ANO7: variants seen among roughly 807,000 people sequenced by gnomAD.
The protein encoded by ANO7 is anoctamin-7.
Under a neutral mutation model 115.8 loss-of-function variants are expected in ANO7, and 114 were observed. The ratio of observed to expected loss-of-function variants is 0.98; its 90% confidence interval spans 0.85 to 1.15. ANO7 has a LOEUF of 1.15. ANO7 is among the 50% of genes most tolerant of loss of function. The pLI is 0.00. For missense variants in ANO7, 1,302 were observed against 1,201.2 expected (o/e 1.08, Z -1.24); for synonymous variants, 550 against 498.2 (o/e 1.10, Z -1.38).
the ANO7 span, among the ~76,000 whole-genome samples, chr2:241,237,997 GCCGCCCAA>G: frequency 6.6e-6 from 1 of 152,238 alleles, no homozygotes. Flanking sequence ...AGGGCCACCT[GCCGCCCAA>G]ACAGCTCAAC....
chr2:241,189,464 G>A (rs2068136601), intron 1 of ANO7, among the ~76,000 whole-genome samples: 1 of 152,170 alleles, frequency 6.6e-6, no homozygotes. Context: ...CCAAGACTAG[G>A]AGCCACGGCA....
At chr2:241,222,613 G>T (rs142367515) in intron 21 of ANO7, among the ~76,000 whole-genome samples, 1,885 of 152,038 alleles carry the variant, frequency 0.012, 45 homozygotes, top group African/African-American at 0.043. Flanking sequence ...TTCCTACAAA[G>T]TTGACCCTGG....
chr2:241,203,771 C>T lies in ANO7; in HGVS notation c.889+273C>T, dbSNP rs1414225951. The stretch of plus-strand genomic sequence containing the variant: ...TGGTGGGGGTCTCTCCTGACTCCCT[C>T]CCCGAATGTCACTGGCCCATGAGGC... On this transcript the variant is annotated intron_variant, in intron 9 of 24. Transcript: ENST00000674324. This position sits in a 1 kb window ranked among gnomAD's most constrained non-coding sequence, Gnocchi z 4.8. Among the ~76,000 whole-genome samples the T allele has an allele frequency of 6.6e-6, 1 of 152,100 alleles. No individual in the cohort carries two copies.
intron 3 of ANO7, among the ~76,000 whole-genome samples, chr2:241,192,712 G>C (rs2068234077): frequency 6.6e-6 from 1 of 152,168 alleles, no homozygotes; most frequent in African/African-American, 2.4e-5. Flanking sequence ...GCAAAATGTG[G>C]TATTTACATC....
rs763194116 is a variant in ANO7 at position 241,200,112 on chromosome 2, C to G, written c.441C>G (p.Asn147Lys). The change falls in exon 6 of 25, where the codon AAC becomes AAG. Residue 147 changes from asparagine to lysine, a missense_variant. Asn to Lys is a moderately conservative substitution (Grantham distance 94). Coordinates refer to ENST00000674324, the MANE Select transcript of ANO7 (RefSeq NM_001370694.2). ...AGGAGTTACCCAACCAGGCCTCCAA[C>G]TGGTCGGCCGGCCTGCTGGCATGGC... is the stretch of plus-strand genomic sequence containing the variant. Reference protein sequence around the residue: ...PLQELPNQASNWSAGLLAWLG... With the variant: ...PLQELPNQASKWSAGLLAWLG... 3 of 1,612,886 alleles carry G rather than the reference C, an allele frequency of 1.9e-6. No homozygotes were observed. The African/African-American group carries it at 4.0e-5, about 22-fold the overall frequency.
At chr2:241,226,578 C>G (rs1351502429), downstream of ANO7, among the ~76,000 whole-genome samples, 2 of 152,098 alleles carry the variant, frequency 1.3e-5, no homozygotes. Flanking sequence ...GCGCCCGCCA[C>G]CACACCCAGC....
chr2:241,237,399 A>G, the ANO7 span, among the ~76,000 whole-genome samples: 11 of 152,158 alleles, frequency 7.2e-5, no homozygotes, highest in African/African-American at 2.4e-4. Context: ...ACCAAAATAG[A>G]CACCACAACA....
At chr2:241,208,791 T>C (rs2068644333) in intron 11 of ANO7, among the ~76,000 whole-genome samples, 1 of 152,160 alleles carries the variant, frequency 6.6e-6, no homozygotes, top group Non-Finnish European at 1.5e-5. Flanking sequence ...CAGGTGTGGG[T>C]GAGACCTGGG....
At chr2:241,222,831 C>T (rs558071457) in intron 21 of ANO7, among the ~76,000 whole-genome samples, 4 of 152,230 alleles carry the variant, frequency 2.6e-5, no homozygotes, top group South Asian at 2.1e-4. Context: ...CAGCAATCGG[C>T]GGATTTTCAC....
chr2:241,236,977 T>G, the ANO7 span, among the ~76,000 whole-genome samples: 7 of 108,242 alleles, frequency 6.5e-5, no homozygotes, highest in Non-Finnish European at 9.4e-5. Flanking sequence ...TCCCAGACCT[T>G]GGGGGGGGGG....
chr2:241,222,760 G>T (rs2069055681), intron 21 of ANO7, among the ~76,000 whole-genome samples: 1 of 152,160 alleles, frequency 6.6e-6, no homozygotes, highest in African/African-American at 2.4e-5. Context: ...ATGATAGGGA[G>T]GGAGGGCTCT....
intron 7 of ANO7, 97 bp from the exon 8 acceptor site, chr2:241,202,097 C>A: frequency 2.0e-6 from 2 of 981,232 alleles, no homozygotes; most frequent in Admixed American, 2.1e-5. Flanking sequence ...CTGAGGGAGG[C>A]CGTCCATGGC....
At chr2:241,230,310 G>A (rs778316785), downstream of ANO7, 21 of 1,170,344 alleles carry the variant, frequency 1.8e-5, no homozygotes, top group South Asian at 2.1e-4. This position sits in a 1 kb window ranked among gnomAD's most constrained non-coding sequence, Gnocchi z 5.0. Context: ...GACTCCAAGC[G>A]AGGAAAAGGG....
Position 241,214,838 on chromosome 2 carries a change from C to T in ANO7, c.1762C>T (p.Gln588Ter), listed in dbSNP as rs751671704. ...AAGGCLIELA[Q>*]ELLVIMVGKQ... Reference sequence around the variant, plus strand: ...TGGAGGCTGCCTGATCGAGCTGGCACAGGAGCTCCTGGTCATCATGGTGGG... The same window carrying T: ...TGGAGGCTGCCTGATCGAGCTGGCATAGGAGCTCCTGGTCATCATGGTGGG... Residue 588 changes from glutamine (Q) to a stop codon, truncating the protein, a stop_gained, in exon 18 of 25, where the codon CAG becomes TAG. Transcript: ENST00000674324. LOFTEE classifies it high-confidence loss of function. 20 of 1,612,552 alleles carry T rather than the reference C, an allele frequency of 1.2e-5. No homozygotes were observed. Among genetic ancestry groups the T allele is most frequent in the African/African-American group, 5.3e-5 (4 of 74,912 alleles).
chr2:241,231,012 G>T, the ANO7 span: 6 of 1,381,920 alleles, frequency 4.3e-6, no homozygotes, highest in Admixed American at 1.7e-5. Context: ...GCAAGAGCCG[G>T]CCCCCACTGC....
Position 241,201,174 on chromosome 2 carries a change from C to T in ANO7, c.555-124C>T, listed in dbSNP as rs16843442. 9.8e-4 allele frequency: 1,117 copies of T among 1,140,308 alleles called. 1 individual carries two copies. Among genetic ancestry groups the T allele is most frequent in the African/African-American group, 3.7e-3 (232 of 62,958 alleles). The allele number at this position is 1,140,308 out of a possible 1,614,324, so 70.6% of individuals were successfully genotyped here. On this transcript the variant is annotated intron_variant, in intron 6 of 24. Transcript: ENST00000674324. The stretch of plus-strand genomic sequence containing the variant: ...CCGCAGGCCTGTGCTTCTGCGTGCG[C>T]GCCAGCACCCGGGCCCCAAACCTTC...
intron 21 of ANO7, among the ~76,000 whole-genome samples, chr2:241,222,220 C>G (rs969541610): frequency 6.9e-6 from 1 of 145,636 alleles, no homozygotes; most frequent in African/African-American, 2.6e-5. Context: ...GGCAACAGAG[C>G]GAGACTCTGT....
chr2:241,240,302 AC>A, the ANO7 span: 1 of 646,448 alleles, frequency 1.5e-6, no homozygotes, highest in Non-Finnish European at 2.8e-6. The surrounding 1 kb of genome is among the most constrained non-coding windows in gnomAD (Gnocchi z 5.5). Context: ...ACAGATGAAT[AC>A]CCAGACTGCA....
chr2:241,216,319 C>T, intron 19 of ANO7, 81 bp downstream of exon 19: 3 of 1,443,492 alleles, frequency 2.1e-6, no homozygotes, highest in Non-Finnish European at 2.8e-6. Flanking sequence ...GGCCTCCCAG[C>T]CTGACATTCC....
Sources: gnomAD v4.1 joint callset for allele counts (sites outside exome capture counted in the v4.1 genomes callset) on GRCh38, gnomAD v4.1.1 for gene constraint, Gnocchi (gnomAD v3.1) non-coding constraint, MANE v1.5 for transcripts, NCBI Gene and HGNC (gene_info 2026-07-23, HGNC 2026-07-21) for gene names.